The following TMEM67 variants were observed in gnomAD, a reference collection of about 807,000 sequenced individuals.
TMEM67 encodes transmembrane protein 67, also known as meckelin.
A neutral mutation model predicts 136.6 loss-of-function variants in TMEM67; 124 were observed. The ratio of observed to expected loss-of-function variants is 0.91; its 90% confidence interval spans 0.78 to 1.05. The LOEUF (loss-of-function observed/expected upper bound fraction) is 1.05, where lower values mean the gene tolerates loss of function less well. TMEM67 is among the 50% of genes least tolerant of loss of function. The pLI is 0.00. For missense variants in TMEM67, 1,107 were observed against 1,178.4 expected (o/e 0.94, Z 0.89); for synonymous variants, 364 against 390.5 (o/e 0.93, Z 0.80).
the TMEM67 span, among the ~76,000 whole-genome samples, chr8:93,826,898 C>T: frequency 6.6e-5 from 10 of 152,028 alleles, no homozygotes; most frequent in Non-Finnish European, 1.3e-4. Flanking sequence ...GGTGCAATCT[C>T]GGCTCACCGC....
intron 7 of TMEM67, among the ~76,000 whole-genome samples, chr8:93,777,783 A>T (rs1339629349): frequency 6.6e-6 from 1 of 152,172 alleles, no homozygotes; most frequent in African/African-American, 2.4e-5. Flanking sequence ...GTATGTGGTC[A>T]ATTTGGGAAT....
Position 93,779,209 on chromosome 8 carries a change from T to C in TMEM67, c.715-1384T>C, listed in dbSNP as rs573396915. Among the ~76,000 whole-genome samples the C allele has an allele frequency of 1.6e-4, 24 of 152,328 alleles. No individual in the cohort carries two copies. In the South Asian group the frequency reaches 4.4e-3, roughly 28 times the overall value. ...TGCCATGTCTTTTAGCTCCATCAGG[T>C]CATTTAAGGTCTTCTCTACACTGTT... is the stretch of plus-strand genomic sequence containing the variant. On this transcript the variant is annotated intron_variant, in intron 7 of 27. Coordinates refer to ENST00000453321, the MANE Select transcript of TMEM67 (RefSeq NM_153704.6).
chr8:93,785,590 T>C lies in TMEM67; in HGVS notation c.1288+212T>C, dbSNP rs1299872359. 1.1e-5 allele frequency: 6 copies of C among 524,676 alleles called. No homozygotes were observed. The South Asian group carries it at 1.6e-4, about 14-fold the overall frequency. 32.5% of individuals were successfully genotyped at this position (524,676 alleles called of 1,614,324 possible). A position where few individuals can be genotyped will look rare whatever the true frequency, so the allele number is the denominator to read the frequency against. ...ATTGCCAGACATATTGTTAAGAAAT[T>C]ATACTGTTGCTGAGGGTATATCCTG... On this transcript the variant is annotated intron_variant, in intron 12 of 27. Coordinates refer to ENST00000453321, the MANE Select transcript of TMEM67 (RefSeq NM_153704.6).
At chr8:93,809,922 T>A (rs1586092222) in intron 26 of TMEM67, 35 bp downstream of exon 26, 2 of 1,366,138 alleles carry the variant, frequency 1.5e-6, no homozygotes, top group Middle Eastern at 1.8e-4. Context: ...ACTTGATAAC[T>A]GTTTTCAAAG....
At chr8:93,831,609 GC>G in the TMEM67 span, among the ~76,000 whole-genome samples, 1 of 152,130 alleles carries the variant, frequency 6.6e-6, no homozygotes, top group South Asian at 2.1e-4. Flanking sequence ...ATTATGAAAA[GC>G]CCTGCCTCCT....
At chr8:93,800,729 G>T (rs1056237716) in intron 21 of TMEM67, among the ~76,000 whole-genome samples, 1 of 152,108 alleles carries the variant, frequency 6.6e-6, no homozygotes, top group African/African-American at 2.4e-5. Flanking sequence ...GTCAATAGTG[G>T]GGCTCTGAAG....
At chr8:93,825,272 A>G in the TMEM67 span, among the ~76,000 whole-genome samples, 1 of 152,240 alleles carries the variant, frequency 6.6e-6, no homozygotes, top group Non-Finnish European at 1.5e-5. Context: ...CCAGAGAAGG[A>G]GAGCTGGCGC....
intron 3 of TMEM67, chr8:93,759,978 A>G (rs1426460269): frequency 1.3e-6 from 2 of 1,529,216 alleles, no homozygotes; most frequent in Non-Finnish European, 8.8e-7. Flanking sequence ...AATGTACAAC[A>G]TAATTGAAGA....
At chr8:93,774,043 C>T (rs1052638251) in intron 7 of TMEM67, among the ~76,000 whole-genome samples, 1 of 150,238 alleles carries the variant, frequency 6.7e-6, no homozygotes, top group African/African-American at 2.5e-5. Context: ...TTTTTTGAGA[C>T]GGAGCCTCAC....
rs751579178 is a variant in TMEM67, at chr8:93,785,250, T to G, written c.1160T>G (p.Ile387Ser). The change falls in exon 12 of 28, where the codon ATT becomes AGT. Residue 387 changes from isoleucine to serine, a missense_variant. Transcript: ENST00000453321. ...GAGATTCCTATCTCTAAGATCTTAA[T>G]TGACTTTCCCACTCCTATATTTTAT... Reference protein sequence around the residue: ...NCEIPISKILIDFPTPIFYDV... With the variant: ...NCEIPISKILSDFPTPIFYDV... The G allele has an allele frequency of 3.1e-6, 5 of 1,594,512 alleles. No homozygotes were observed. The highest frequency in any genetic ancestry group is 4.3e-6 in the Non-Finnish European group (5 of 1,163,274).
chr8:93,824,905 G>A, the TMEM67 span, among the ~76,000 whole-genome samples: 1 of 151,934 alleles, frequency 6.6e-6, no homozygotes, highest in Admixed American at 6.6e-5. Flanking sequence ...TAGTAGAGAC[G>A]GGGTTTTACC....
At chr8:93,798,941 TAGTG>T (rs1297409770) in intron 20 of TMEM67, among the ~76,000 whole-genome samples, 12 of 105,776 alleles carry the variant, frequency 1.1e-4, no homozygotes, top group Non-Finnish European at 2.2e-4. Context: ...TGTACTAAAG[TAGTG>T]TGTGTGTGTG....
At chr8:93,795,778 C>A in intron 17 of TMEM67, 123 bp from the exon 18 acceptor site, 1 of 748,752 alleles carries the variant, frequency 1.3e-6, no homozygotes. Flanking sequence ...GAATCAAGTC[C>A]TGCCCGGGCA....
At position 93,755,032 on chromosome 8, in the gene TMEM67, T is replaced by TCTTTCC. The variant is rs886063171; in HGVS notation, c.125_130dup (p.Pro42_Phe43dup). ...TCGCTTCTTACAGGCCCAGACCTTC[T>TCTTTCC]CTTTCCCTTTCCAGCAGCCGGAGAA... is the stretch of plus-strand genomic sequence containing the variant. On this transcript the variant is annotated inframe_insertion, in exon 1 of 28. Transcript: ENST00000453321. 2 of 1,614,216 alleles carry TCTTTCC rather than the reference T, an allele frequency of 1.2e-6. No homozygotes were observed. The highest frequency in any genetic ancestry group is 2.2e-5 in the East Asian group (1 of 44,876).
chr8:93,777,565 T>C (rs1440877770), intron 7 of TMEM67, among the ~76,000 whole-genome samples: 1 of 152,226 alleles, frequency 6.6e-6, no homozygotes, highest in Non-Finnish European at 1.5e-5. Flanking sequence ...TTTGTTCTCA[T>C]TGATTTCAAA....
intron 18 of TMEM67, among the ~76,000 whole-genome samples, chr8:93,796,790 C>A (rs963966165): frequency 1.1e-4 from 16 of 152,152 alleles, no homozygotes; most frequent in African/African-American, 3.9e-4. Flanking sequence ...AGCTGATCTA[C>A]AAAACAAAGT....
At position 93,795,927 on chromosome 8, in the gene TMEM67, G is replaced by A; in HGVS notation, c.1800G>A (p.Leu600=). The A allele has an allele frequency of 1.2e-6, 2 of 1,612,150 alleles. No homozygotes were observed. The highest frequency in any genetic ancestry group is 1.7e-6 in the Non-Finnish European group (2 of 1,178,312). ...FKAQKSVSVL[L]PMPIQEERFV... is the part of the protein sequence containing the mutation. Reference sequence around the variant, plus strand: ...CACAGAAGTCTGTGTCTGTTTTGCTGCCAATGCCAATTCAGGAAGAACGTT... The same window carrying A: ...CACAGAAGTCTGTGTCTGTTTTGCTACCAATGCCAATTCAGGAAGAACGTT... Residue 600 remains leucine, a synonymous_variant, in exon 18 of 28, where the codon CTG becomes CTA. Transcript: ENST00000453321.
chr8:93,776,560 A>G (rs1233329942), intron 7 of TMEM67, among the ~76,000 whole-genome samples: 1 of 152,182 alleles, frequency 6.6e-6, no homozygotes, highest in Admixed American at 6.5e-5. Context: ...TTTTAGCATG[A>G]AGGGCTGTTG....
In TMEM67 at chr8:93,796,957, C is replaced by T. The variant is rs76357280; in HGVS notation, c.1861-177C>T. On this transcript the variant is annotated intron_variant, in intron 18 of 27. Transcript: ENST00000453321. ...GAAAATTCTGTGAATTTGATGATTC[C>T]AGGTTATCTGATGAGCTTCTAATGA... Among the ~76,000 whole-genome samples the T allele has an allele frequency of 0.021, 3,135 of 152,184 alleles. 98 individuals carry two copies. The highest frequency in any genetic ancestry group is 0.071 in the African/African-American group (2,963 of 41,530).
Sources: gnomAD v4.1 joint callset for allele counts (sites outside exome capture counted in the v4.1 genomes callset) on GRCh38, gnomAD v4.1.1 for gene constraint, MANE v1.5 for transcripts, NCBI Gene and HGNC (gene_info 2026-07-23, HGNC 2026-07-21) for gene names.